The following AMER1 variants were observed in gnomAD, a reference collection of about 807,000 sequenced individuals.
The protein encoded by AMER1 is APC membrane recruitment protein 1, also known as RP11-403E24.2.
AMER1 carries 16 observed loss-of-function variants against 53.0 expected under a neutral mutation model. That is an observed-to-expected ratio of 0.30 (90% CI 0.20 to 0.46). The LOEUF (loss-of-function observed/expected upper bound fraction) is 0.46, where lower values mean the gene tolerates loss of function less well. Ranked by LOEUF, AMER1 falls within the 20% of genes least tolerant of loss-of-function variation. AMER1 has a pLI of 1.00. For missense variants in AMER1, 947 were observed against 884.9 expected, an observed-to-expected ratio of 1.07 and a Z score of -0.89; for synonymous variants, 354 against 331.9, an observed-to-expected ratio of 1.07 and a Z score of -0.73.
At position 64,188,571 on chromosome X, in the gene AMER1, A is replaced by C. The variant is rs1930155543; in HGVS notation, c.*1308T>G. 1 of 802,079 alleles carries C rather than the reference A, an allele frequency of 1.2e-6. No homozygotes were observed. Among genetic ancestry groups the C allele is most frequent in the African/African-American group, 2.2e-5 (1 of 45,448 alleles). The allele number at this position is 802,079 out of a possible 1,213,427, so 66.1% of individuals were successfully genotyped here. ...AGCTCTTTAAAGGGCCCAGAACAGC[A>C]GCTGAGATGCCTTTGGTATCCTGTC... On this transcript the variant is annotated 3_prime_UTR_variant, in exon 2 of 2. Coordinates refer to ENST00000374869, the MANE Select transcript of AMER1 (RefSeq NM_152424.4).
In AMER1 at chrX:64,186,267, G is replaced by T; in HGVS notation, c.*3612C>A. ...AGGGAGGGCCCTAGGCAGTTGAGATGCCAGCCCTCTGCACAAGCAGCAGCA... is the reference window on the plus strand; with the variant it reads ...AGGGAGGGCCCTAGGCAGTTGAGATTCCAGCCCTCTGCACAAGCAGCAGCA... On this transcript the variant is annotated 3_prime_UTR_variant, in exon 2 of 2. Coordinates refer to ENST00000374869, the MANE Select transcript of AMER1 (RefSeq NM_152424.4). 1.8e-6 allele frequency: 2 copies of T among 1,102,545 alleles called. No homozygotes were observed. The allele number at this position is 1,102,545 out of a possible 1,213,427, so 90.9% of individuals were successfully genotyped here.
intron 1 of AMER1, among the ~76,000 whole-genome samples, chrX:64,198,744 C>T (rs1325968522): frequency 1.8e-5 from 2 of 111,204 alleles, no homozygotes; most frequent in Non-Finnish European, 3.8e-5. Context: ...ACATCAGAAT[C>T]TAGGGGCCAA....
Position 64,191,547 on chromosome X carries a change from G to C in AMER1, c.1740C>G (p.Ala580=), listed in dbSNP as rs376111224. ...GAGCTTCTCGGGCACGTGCCTCCTG[G>C]GCCTCAAGCTGCTCCCGCCGAAGCT... The part of the protein sequence containing the change: ...YWELRREQLE[A]QEARAREAHA... Residue 580 remains alanine, a synonymous_variant, in exon 2 of 2, where the codon GCC becomes GCG. Transcript: ENST00000374869. 59 of 1,210,569 alleles carry C rather than the reference G, an allele frequency of 4.9e-5. No homozygotes were observed. In the East Asian group the frequency reaches 1.5e-3, roughly 30 times the overall value.
rs771161982 is a variant in AMER1 at position 64,190,297 on chromosome X, G to A, written c.2990C>T (p.Pro997Leu). The A allele has an allele frequency of 3.3e-6, 4 of 1,211,937 alleles. No homozygotes were observed. In the South Asian group the frequency reaches 5.3e-5, roughly 16 times the overall value. ...SPYRQATCCI[P>L]PMTMSISLSV... ...TAGTGATATTGACATGGTCATAGGA[G>A]GTATGCAACAGGTTGCCTGCCTATA... Residue 997 changes from proline (P) to leucine (L), a missense_variant, in exon 2 of 2, where the codon CCT becomes CTT. By Grantham distance (98) the Pro-to-Leu change is moderately conservative (BLOSUM62 -3). Transcript: ENST00000374869.
chrX:64,203,767 G>C (rs961263242), intron 1 of AMER1, among the ~76,000 whole-genome samples: 1 of 111,427 alleles, frequency 9.0e-6, no homozygotes, highest in African/African-American at 3.3e-5. Flanking sequence ...ACATAGAGCA[G>C]ATACATTAGG....
chrX:64,186,255 G>C lies in AMER1; in HGVS notation c.*3624C>G. The C allele has an allele frequency of 1.8e-6, 2 of 1,135,811 alleles. No homozygotes were observed. Among genetic ancestry groups the C allele is most frequent in the South Asian group, 2.3e-5 (1 of 44,286 alleles). The allele number at this position is 1,135,811 out of a possible 1,213,427, so 93.6% of individuals were successfully genotyped here. A position where few individuals can be genotyped will look rare whatever the true frequency, so the allele number is the denominator to read the frequency against. On this transcript the variant is annotated 3_prime_UTR_variant, in exon 2 of 2. Coordinates refer to ENST00000374869, the MANE Select transcript of AMER1 (RefSeq NM_152424.4). The stretch of plus-strand genomic sequence containing the variant: ...GAGAGGGGAAAGAGGGAGGGCCCTA[G>C]GCAGTTGAGATGCCAGCCCTCTGCA...
Position 64,189,793 on chromosome X carries a change from A to ACGGGGGGGGCCCC in AMER1, c.*85_*86insGGGGCCCCCCCCG. The ACGGGGGGGGCCCC allele has an allele frequency of 3.4e-6, 1 of 292,074 alleles. No individual in the cohort carries two copies. Among genetic ancestry groups the ACGGGGGGGGCCCC allele is most frequent in the Non-Finnish European group, 4.9e-6 (1 of 204,832 alleles). The allele number at this position is 292,074 out of a possible 1,213,427, so 24.1% of individuals were successfully genotyped here. ...CAAAGGGTTTTCAAGTTAAACAACA[A>ACGGGGGGGGCCCC]CCCCCACCCCCCCACCCTTCTGCCC... is the stretch of plus-strand genomic sequence containing the variant. On this transcript the variant is annotated 3_prime_UTR_variant, in exon 2 of 2. Transcript: ENST00000374869.
chrX:64,189,797 C>G lies in AMER1; in HGVS notation c.*82G>C. Reference sequence around the variant, plus strand: ...GGGTTTTCAAGTTAAACAACAACCCCCACCCCCCCACCCTTCTGCCCAACC... The same window carrying G: ...GGGTTTTCAAGTTAAACAACAACCCGCACCCCCCCACCCTTCTGCCCAACC... On this transcript the variant is annotated 3_prime_UTR_variant, in exon 2 of 2. Coordinates refer to ENST00000374869, the MANE Select transcript of AMER1 (RefSeq NM_152424.4). The G allele has an allele frequency of 7.7e-6, 1 of 129,279 alleles. No individual in the cohort carries two copies. The highest frequency in any genetic ancestry group is 1.3e-5 in the Non-Finnish European group (1 of 74,596). The allele number at this position is 129,279 out of a possible 1,213,427, so 10.7% of individuals were successfully genotyped here. A position where few individuals can be genotyped will look rare whatever the true frequency, so the allele number is the denominator to read the frequency against.
Position 64,190,016 on chromosome X carries a change from G to A in AMER1, c.3271C>T (p.Arg1091Trp), listed in dbSNP as rs375850061. 3.9e-5 allele frequency: 47 copies of A among 1,205,109 alleles called. No individual in the cohort carries two copies. The highest frequency in any genetic ancestry group is 2.7e-4 in the South Asian group (15 of 55,940). Residue 1091 changes from arginine (R) to tryptophan (W), a missense_variant, in exon 2 of 2, where the codon CGG becomes TGG. Coordinates refer to ENST00000374869, the MANE Select transcript of AMER1 (RefSeq NM_152424.4). ...THGIPQLPRV[R>W]PEHPQPQPTH... ...GGCTGAGGCTGGGGGTGCTCAGGCC[G>A]GACCCTGGGCAGCTGAGGAATGCCA...
At chrX:64,194,312 G>A (rs1255392864) in intron 1 of AMER1, among the ~76,000 whole-genome samples, 1 of 111,324 alleles carries the variant, frequency 9.0e-6, no homozygotes, top group East Asian at 2.8e-4. Context: ...TCTAGGAAGG[G>A]AACTCCTTGA....
In AMER1 at chrX:64,186,787, C is replaced by G; in HGVS notation, c.*3092G>C. 1.3e-6 allele frequency: 1 copy of G among 774,668 alleles called. No individual in the cohort carries two copies. The highest frequency in any genetic ancestry group is 6.7e-5 in the South Asian group (1 of 14,997). The allele number at this position is 774,668 out of a possible 1,213,427, so 63.8% of individuals were successfully genotyped here. On this transcript the variant is annotated 3_prime_UTR_variant, in exon 2 of 2. Transcript: ENST00000374869. The stretch of plus-strand genomic sequence containing the variant: ...CCAAGGCAGTGCTTCCTTGGAGACT[C>G]TAAAGCACCAAGAAACTGGCATCCT...
Position 64,190,269 on chromosome X carries a change from T to C in AMER1, c.3018A>G (p.Ser1006=), listed in dbSNP as rs2147084755. 2 of 1,211,778 alleles carry C rather than the reference T, an allele frequency of 1.7e-6. No homozygotes were observed. The highest frequency in any genetic ancestry group is 3.5e-5 in the South Asian group (2 of 56,958). The change falls in exon 2 of 2, where the codon TCA becomes TCG. Residue 1006 remains serine, a synonymous_variant. Coordinates refer to ENST00000374869, the MANE Select transcript of AMER1 (RefSeq NM_152424.4). ...CCCCAGGTGCCCTTGACTCTGGCAC[T>C]GATAGTGATATTGACATGGTCATAG... is the stretch of plus-strand genomic sequence containing the variant. ...IPPMTMSISL[S]VPESRAPGES...
At chrX:64,196,157 C>G in intron 1 of AMER1, among the ~76,000 whole-genome samples, 2 of 112,025 alleles carry the variant, frequency 1.8e-5, no homozygotes, top group South Asian at 7.6e-4. Context: ...CTGTATTGTC[C>G]CCTTTCCTGT....
At chrX:64,198,675 C>T (rs931576133) in intron 1 of AMER1, among the ~76,000 whole-genome samples, 4 of 111,486 alleles carry the variant, frequency 3.6e-5, no homozygotes, top group Non-Finnish European at 7.5e-5. Context: ...GCCACATTTC[C>T]AGTCCTCACT....
chrX:64,188,388 C>A lies in AMER1; in HGVS notation c.*1491G>T. On this transcript the variant is annotated 3_prime_UTR_variant, in exon 2 of 2. Transcript: ENST00000374869. ...TTAGCCTGTTCCAATGTCTTCCTGA[C>A]AGCAAGCTCTTCCCCACCAGTATTT... is the stretch of plus-strand genomic sequence containing the variant. 2 of 804,792 alleles carry A rather than the reference C, an allele frequency of 2.5e-6. No homozygotes were observed. Among genetic ancestry groups the A allele is most frequent in the Non-Finnish European group, 3.0e-6 (2 of 670,176 alleles). 66.3% of individuals were successfully genotyped at this position (804,792 alleles called of 1,213,427 possible).
In AMER1 at chrX:64,188,501, C is replaced by T; in HGVS notation, c.*1378G>A. The T allele has an allele frequency of 1.2e-6, 1 of 804,546 alleles. No individual in the cohort carries two copies. Among genetic ancestry groups the T allele is most frequent in the Non-Finnish European group, 1.5e-6 (1 of 670,256 alleles). 66.3% of individuals were successfully genotyped at this position (804,546 alleles called of 1,213,427 possible). A position where few individuals can be genotyped will look rare whatever the true frequency, so the allele number is the denominator to read the frequency against. ...TAAAGGGCTGCAACTGCCAAGAAGC[C>T]CTGTCATTTGATGATGCTAAGGACT... On this transcript the variant is annotated 3_prime_UTR_variant, in exon 2 of 2. Coordinates refer to ENST00000374869, the MANE Select transcript of AMER1 (RefSeq NM_152424.4).
At chrX:64,195,602 T>C (rs1303211506) in intron 1 of AMER1, among the ~76,000 whole-genome samples, 2 of 112,000 alleles carry the variant, frequency 1.8e-5, no homozygotes, top group African/African-American at 6.5e-5. Context: ...GTGAACCCTA[T>C]TGCAAACTGC....
Position 64,185,387 on chromosome X carries a change from C to T in AMER1, c.*4492G>A, listed in dbSNP as rs917792218. ...TACTGCAGTTCCTAATTTCTTCCCT[C>T]CTTCCTCCAGCCATTTTATTTAACA... is the stretch of plus-strand genomic sequence containing the variant. On this transcript the variant is annotated 3_prime_UTR_variant, in exon 2 of 2. Transcript: ENST00000374869. 1.8e-5 allele frequency: 3 copies of T among 169,469 alleles called. No homozygotes were observed. Among genetic ancestry groups the T allele is most frequent in the African/African-American group, 9.0e-5 (3 of 33,185 alleles). 14.0% of individuals were successfully genotyped at this position (169,469 alleles called of 1,213,427 possible).
At position 64,189,793 on chromosome X, in the gene AMER1, A is replaced by ACGGGGGCCCCCCCC; in HGVS notation, c.*85_*86insGGGGGGGGCCCCCG. 4 of 292,070 alleles carry ACGGGGGCCCCCCCC rather than the reference A, an allele frequency of 1.4e-5. No individual in the cohort carries two copies. The highest frequency in any genetic ancestry group is 2.0e-5 in the Non-Finnish European group (4 of 204,830). 24.1% of individuals were successfully genotyped at this position (292,070 alleles called of 1,213,427 possible). Reference sequence around the variant, plus strand: ...CAAAGGGTTTTCAAGTTAAACAACAACCCCCACCCCCCCACCCTTCTGCCC... The same window carrying ACGGGGGCCCCCCCC: ...CAAAGGGTTTTCAAGTTAAACAACAACGGGGGCCCCCCCCCCCCCACCCCCCCACCCTTCTGCCC... On this transcript the variant is annotated 3_prime_UTR_variant, in exon 2 of 2. Transcript: ENST00000374869.
Sources: allele counts gnomAD v4.1 joint callset (sites outside exome capture counted in the v4.1 genomes callset), GRCh38; gene constraint gnomAD v4.1.1; transcripts MANE v1.5; gene names NCBI Gene and HGNC (gene_info 2026-07-23, HGNC 2026-07-21).